Variants in HDAC4 observed in about 807,000 individuals in gnomAD.
HDAC4 encodes histone deacetylase A.
In HDAC4, 16 loss-of-function variants were observed where a neutral mutation model predicts 135.1. The observed-to-expected ratio is 0.12, with a 90% CI of 0.08 to 0.18. The LOEUF is 0.18. HDAC4 is among the 10% of genes least tolerant of loss of function. The probability of loss-of-function intolerance (pLI) is 1.00; values close to 1 mark genes in which losing one functional copy is unlikely to be tolerated. For synonymous variants in HDAC4, 685 were observed against 653.4 expected (o/e 1.05, Z -0.74); for missense variants, 1,143 against 1,511.8 (o/e 0.76, Z 4.05).
intron 15 of HDAC4, among the ~76,000 whole-genome samples, chr2:239,105,719 C>T (rs2038065556): frequency 6.6e-6 from 1 of 152,178 alleles, no homozygotes; most frequent in Non-Finnish European, 1.5e-5. Flanking sequence ...CTTGCTGTGG[C>T]CTCCAAGTGG....
At chr2:239,135,506 T>G (rs768203261) in intron 9 of HDAC4, among the ~76,000 whole-genome samples, 1 of 152,206 alleles carries the variant, frequency 6.6e-6, no homozygotes, top group African/African-American at 2.4e-5. Flanking sequence ...TTTTGAAACA[T>G]GGTAATACCA....
intron 11 of HDAC4, among the ~76,000 whole-genome samples, chr2:239,131,819 GAATTCT>G (rs1266396561): frequency 1.3e-5 from 2 of 152,232 alleles, no homozygotes; most frequent in African/African-American, 2.4e-5. Context: ...CTGAGAAACT[GAATTCT>G]AATTCTGACT....
At chr2:239,276,330 C>A (rs1246452395) in intron 2 of HDAC4, among the ~76,000 whole-genome samples, 2 of 152,190 alleles carry the variant, frequency 1.3e-5, no homozygotes, top group African/African-American at 2.4e-5. Flanking sequence ...AACAGAGAGG[C>A]CTGTCTAACT....
intron 2 of HDAC4, among the ~76,000 whole-genome samples, chr2:239,252,395 A>G (rs1337941498): frequency 1.3e-5 from 2 of 152,244 alleles, no homozygotes; most frequent in Non-Finnish European, 2.9e-5. Context: ...TGCCATGGAC[A>G]TGGCCCACGC....
rs527679109 is a variant in HDAC4 at position 239,303,768 on chromosome 2, G to A, written c.22+48910C>T. On this transcript the variant is annotated intron_variant, in intron 2 of 26. Transcript: ENST00000543185. This position sits in a 1 kb window ranked among gnomAD's most constrained non-coding sequence, Gnocchi z 5.1. ...CCCCTCACTCTTCAAAAGCGACTGC[G>A]ACAGCTGCATCCCCCGTGCTCAACT... is the stretch of plus-strand genomic sequence containing the variant. Among the ~76,000 whole-genome samples, 8 of 152,208 alleles carry A rather than the reference G, an allele frequency of 5.3e-5. No individual in the cohort carries two copies. The highest frequency in any genetic ancestry group is 3.4e-3 in the Middle Eastern group (1 of 294).
intron 2 of HDAC4, among the ~76,000 whole-genome samples, chr2:239,246,331 G>A (rs893480433): frequency 3.9e-5 from 6 of 152,226 alleles, no homozygotes; most frequent in Admixed American, 2.0e-4. Context: ...CCCCGTCGGA[G>A]AAACCATCCA....
At chr2:239,281,676 G>A (rs1393897979) in intron 2 of HDAC4, among the ~76,000 whole-genome samples, 43 of 118,454 alleles carry the variant, frequency 3.6e-4, no homozygotes, top group Middle Eastern at 8.5e-3. Flanking sequence ...ACACCACTCT[G>A]CAATGTACAC....
At chr2:239,387,518 G>A (rs1379002259) in intron 1 of HDAC4, among the ~76,000 whole-genome samples, 1 of 152,204 alleles carries the variant, frequency 6.6e-6, no homozygotes, top group African/African-American at 2.4e-5. Flanking sequence ...CTCCAGCCTA[G>A]AGACAGGACG....
chr2:239,158,310 T>C lies in HDAC4; in HGVS notation c.612-1537A>G, dbSNP rs540082384. Among the ~76,000 whole-genome samples, 8 of 152,308 alleles carry C rather than the reference T, an allele frequency of 5.3e-5. No individual in the cohort carries two copies. In the South Asian group the frequency reaches 1.7e-3, roughly 32 times the overall value. ...CTGGGACCATTTCCGCGTTCACTTT[T>C]TCCTTCATGGGAAACACGGAGTGAC... On this transcript the variant is annotated intron_variant, in intron 6 of 26. Coordinates refer to ENST00000543185, the MANE Select transcript of HDAC4 (RefSeq NM_001378414.1).
At chr2:239,054,507 G>GACTT (rs1258688840) in intron 25 of HDAC4, among the ~76,000 whole-genome samples, 1 of 152,170 alleles carries the variant, frequency 6.6e-6, no homozygotes, top group Non-Finnish European at 1.5e-5. Context: ...TGATTCTCTA[G>GACTT]ACTTACAAAT....
intron 1 of HDAC4, among the ~76,000 whole-genome samples, chr2:239,372,904 G>A (rs1207662199): frequency 1.3e-5 from 2 of 152,070 alleles, no homozygotes; most frequent in African/African-American, 4.8e-5. Context: ...GTATCCTACA[G>A]ACTTCTCAGC....
chr2:239,271,610 A>G (rs986628294), intron 2 of HDAC4, among the ~76,000 whole-genome samples: 2 of 152,048 alleles, frequency 1.3e-5, no homozygotes, highest in Non-Finnish European at 2.9e-5. Flanking sequence ...TCTCCGGATT[A>G]TCGGGTAGAC....
intron 4 of HDAC4, among the ~76,000 whole-genome samples, chr2:239,182,538 C>A (rs987205969): frequency 1.3e-5 from 2 of 152,182 alleles, no homozygotes; most frequent in Non-Finnish European, 2.9e-5. Context: ...TTTAATGAAA[C>A]CAGCAGTCAC....
At chr2:239,301,386 AGCCAGTGATGCCAGGCGAG>A (rs1353550018) in intron 2 of HDAC4, among the ~76,000 whole-genome samples, 2 of 151,936 alleles carry the variant, frequency 1.3e-5, no homozygotes, top group African/African-American at 2.4e-5. Flanking sequence ...AGCAGCCCAC[AGCCAGTGATGCCAGGCGAG>A]GCCAGTGATG....
intron 2 of HDAC4, among the ~76,000 whole-genome samples, chr2:239,238,593 A>C (rs2048015240): frequency 1.3e-5 from 2 of 152,206 alleles, no homozygotes; most frequent in South Asian, 4.1e-4. Context: ...AGAAGCCCCC[A>C]GTGGTGAGCA....
intron 2 of HDAC4, among the ~76,000 whole-genome samples, chr2:239,238,336 C>T (rs766245496): frequency 6.6e-6 from 1 of 151,894 alleles, no homozygotes. Flanking sequence ...GTATTTAACC[C>T]AAATCCCACT....
chr2:239,342,367 A>G (rs1692347135), intron 2 of HDAC4, among the ~76,000 whole-genome samples: 1 of 152,212 alleles, frequency 6.6e-6, no homozygotes, highest in Admixed American at 6.5e-5. Context: ...ATGTAGTTGT[A>G]TACAGAAAAG....
intron 4 of HDAC4, among the ~76,000 whole-genome samples, chr2:239,180,346 G>A (rs2044066779): frequency 6.6e-6 from 1 of 152,084 alleles, no homozygotes; most frequent in Admixed American, 6.5e-5. Flanking sequence ...CCTCACCAGG[G>A]CATCAATCCC....
chr2:239,273,279 G>C (rs1232026056), intron 2 of HDAC4, among the ~76,000 whole-genome samples: 1 of 152,094 alleles, frequency 6.6e-6, no homozygotes, highest in African/African-American at 2.4e-5. Context: ...ACATCAATGA[G>C]AGTAACAGCA....
Sources: gnomAD v4.1 joint callset for allele counts (sites outside exome capture counted in the v4.1 genomes callset) on GRCh38, gnomAD v4.1.1 for gene constraint, Gnocchi (gnomAD v3.1) non-coding constraint, MANE v1.5 for transcripts, NCBI Gene and HGNC (gene_info 2026-07-23, HGNC 2026-07-21) for gene names.